ZNF322: variants seen among roughly 807,000 people sequenced by gnomAD.
ZNF322 encodes HLA complex group 12.
ZNF322 carries 1 observed loss-of-function variant against 18.3 expected under a neutral mutation model. The ratio of observed to expected loss-of-function variants is 0.05; its 90% confidence interval spans 0.02 to 0.26. The LOEUF is 0.26. Ranked by LOEUF, ZNF322 falls within the 10% of genes least tolerant of loss-of-function variation. ZNF322 has a pLI of 1.00. For missense variants in ZNF322, 36 were observed against 403.6 expected, an observed-to-expected ratio of 0.09 and a Z score of 7.80; for synonymous variants, 17 against 130.7, an observed-to-expected ratio of 0.13 and a Z score of 5.93.
At chr6:26,655,892 T>C (rs1273844987) in intron 2 of ZNF322, among the ~76,000 whole-genome samples, 3 of 152,150 alleles carry the variant, frequency 2.0e-5, no homozygotes, top group Non-Finnish European at 2.9e-5. Context: ...GACTTTCGAA[T>C]CTCCAGAATC....
chr6:26,638,755 T>C, intron 3 of ZNF322, 27 bp from the exon 4 acceptor site: 1 of 841,740 alleles, frequency 1.2e-6, no homozygotes, highest in Non-Finnish European at 1.8e-6. Flanking sequence ...AAATATTATT[T>C]ATATTCCTAT....
At chr6:26,642,121 T>A (rs1393545963) in intron 3 of ZNF322, among the ~76,000 whole-genome samples, 1 of 152,208 alleles carries the variant, frequency 6.6e-6, no homozygotes, top group Non-Finnish European at 1.5e-5. Flanking sequence ...TGCACTGAGA[T>A]GTTTGTGTAA....
At chr6:26,638,874 T>A (rs1765417187) in intron 3 of ZNF322, 146 bp from the exon 4 acceptor site, 2 of 250,446 alleles carry the variant, frequency 8.0e-6, no homozygotes, top group South Asian at 1.3e-4. Context: ...GTTATTTACT[T>A]TTACTCTTTG....
At chr6:26,646,164 A>G (rs1484569326) in intron 2 of ZNF322, among the ~76,000 whole-genome samples, 1 of 152,160 alleles carries the variant, frequency 6.6e-6, no homozygotes, top group African/African-American at 2.4e-5. Flanking sequence ...CGTAGAAAAA[A>G]AAGTAACAAA....
chr6:26,649,004 T>C (rs1389216198), intron 2 of ZNF322, among the ~76,000 whole-genome samples: 1 of 152,276 alleles, frequency 6.6e-6, no homozygotes, highest in African/African-American at 2.4e-5. Flanking sequence ...GGGTCATACT[T>C]ATTCATTAAT....
chr6:26,641,869 G>A (rs1765472534), intron 3 of ZNF322, among the ~76,000 whole-genome samples: 1 of 152,146 alleles, frequency 6.6e-6, no homozygotes, highest in Non-Finnish European at 1.5e-5. Context: ...ATGGCCTCGT[G>A]GGAAGGGAAA....
At chr6:26,649,682 TATATATATATATATATA>T (rs1561924866) in intron 2 of ZNF322, among the ~76,000 whole-genome samples, 18 of 25,304 alleles carry the variant, frequency 7.1e-4, no homozygotes, top group African/African-American at 2.5e-3. Flanking sequence ...TGTGTATATA[TATATATATATATATATA>T]TATTTTTTTT....
intron 3 of ZNF322, among the ~76,000 whole-genome samples, chr6:26,641,169 C>T (rs1765459709): frequency 6.6e-6 from 1 of 152,198 alleles, no homozygotes; most frequent in South Asian, 2.1e-4. Context: ...GAGGCTGCTA[C>T]TTTTACTCAA....
At chr6:26,648,717 GAAAT>G (rs1765598617) in intron 2 of ZNF322, among the ~76,000 whole-genome samples, 1 of 152,164 alleles carries the variant, frequency 6.6e-6, no homozygotes, top group Non-Finnish European at 1.5e-5. Flanking sequence ...AAACTACTTA[GAAAT>G]AAATAAAACA....
intron 2 of ZNF322, among the ~76,000 whole-genome samples, chr6:26,650,672 A>G (rs1765651655): frequency 1.3e-5 from 2 of 152,294 alleles, no homozygotes. Flanking sequence ...GAAATTAAAA[A>G]CACAATACCA....
chr6:26,649,673 GTGTATATATATATATATATATA>G (rs1384051791), intron 2 of ZNF322, among the ~76,000 whole-genome samples: 6 of 29,372 alleles, frequency 2.0e-4, no homozygotes, highest in Admixed American at 4.8e-4. Flanking sequence ...GTGTGTGTGT[GTGTATATATATATATATATATA>G]TATATATTTT....
chr6:26,634,751 C>G lies in ZNF322; in HGVS notation c.*2594G>C, dbSNP rs1323208087. The G allele has an allele frequency of 2.1e-5, 1 of 47,782 alleles. No individual in the cohort carries two copies. The highest frequency in any genetic ancestry group is 8.9e-5 in the African/African-American group (1 of 11,208). 3.0% of individuals were successfully genotyped at this position (47,782 alleles called of 1,614,324 possible). A position where few individuals can be genotyped will look rare whatever the true frequency, so the allele number is the denominator to read the frequency against. On this transcript the variant is annotated 3_prime_UTR_variant, in exon 4 of 4. Coordinates refer to ENST00000415922, the MANE Select transcript of ZNF322 (RefSeq NM_024639.5). ...TAATTTACTTAAAAACTAGAGACAA[C>G]TACCAGTAAGATCAGTTGAAAGAAG...
chr6:26,641,499 GA>G (rs1554148295), intron 3 of ZNF322, among the ~76,000 whole-genome samples: 2 of 152,164 alleles, frequency 1.3e-5, no homozygotes, highest in South Asian at 4.1e-4. Flanking sequence ...ATATGTGGGG[GA>G]AAGAGAGATC....
chr6:26,644,842 C>T (rs985412511), intron 2 of ZNF322, among the ~76,000 whole-genome samples: 8 of 151,968 alleles, frequency 5.3e-5, no homozygotes, highest in Non-Finnish European at 1.0e-4. Context: ...GGTACCTGTG[C>T]GGGATGTGCA....
At chr6:26,646,596 C>T (rs1224386174) in intron 2 of ZNF322, among the ~76,000 whole-genome samples, 2 of 151,984 alleles carry the variant, frequency 1.3e-5, no homozygotes, top group Non-Finnish European at 2.9e-5. Context: ...GCTTAATATA[C>T]CACTCTCAAT....
At chr6:26,658,221 A>T (rs1581499994) in intron 2 of ZNF322, among the ~76,000 whole-genome samples, 3 of 152,234 alleles carry the variant, frequency 2.0e-5, no homozygotes, top group Admixed American at 2.0e-4. Flanking sequence ...CCAACAACTT[A>T]CAAATAGTAA....
intron 2 of ZNF322, among the ~76,000 whole-genome samples, chr6:26,649,931 G>A (rs552670296): frequency 1.1e-3 from 172 of 151,264 alleles, no homozygotes; most frequent in South Asian, 2.7e-3. Flanking sequence ...TCGAACTCCC[G>A]ACCTCAGGTG....
In ZNF322 at chr6:26,638,170, T is replaced by C; in HGVS notation, c.384A>G (p.Thr128=). The C allele has an allele frequency of 1.2e-6, 2 of 1,613,476 alleles. No individual in the cohort carries two copies. The highest frequency in any genetic ancestry group is 1.7e-6 in the Non-Finnish European group (2 of 1,179,692). Residue 128 remains threonine, a synonymous_variant, in exon 4 of 4, where the codon ACA becomes ACG. Transcript: ENST00000415922. ...CAAAATTCTTGCCACAAATGTCACATGTATAGAATTTTTTACCTGCATGTG... is the reference window on the plus strand; with the variant it reads ...CAAAATTCTTGCCACAAATGTCACACGTATAGAATTTTTTACCTGCATGTG... ...QRTHAGKKFY[T]CDICGKNFGQ... is the part of the protein sequence containing the mutation.
intron 2 of ZNF322, among the ~76,000 whole-genome samples, chr6:26,652,589 C>T (rs1043478354): frequency 2.0e-5 from 3 of 151,990 alleles, no homozygotes; most frequent in Admixed American, 1.3e-4. Context: ...ACTAGGGAGG[C>T]TGAAGAAGGA....
Sources: gnomAD v4.1 joint callset for allele counts (sites outside exome capture counted in the v4.1 genomes callset) on GRCh38, gnomAD v4.1.1 for gene constraint, MANE v1.5 for transcripts, NCBI Gene and HGNC (gene_info 2026-07-23, HGNC 2026-07-21) for gene names.